The following TRPM3 variants were observed in gnomAD, a reference collection of about 807,000 sequenced individuals.
TRPM3 encodes the protein transient receptor potential cation channel subfamily M member 3, also known as long transient receptor potential channel 3.
In TRPM3, 77 loss-of-function variants were observed where a neutral mutation model predicts 181.2. The observed-to-expected ratio is 0.42, with a 90% CI of 0.35 to 0.51. The LOEUF (loss-of-function observed/expected upper bound fraction) is 0.51. Ranked by LOEUF, TRPM3 falls within the 20% of genes least tolerant of loss-of-function variation. The pLI is 0.01. For missense variants in TRPM3, 1,759 were observed against 2,196.7 expected (o/e 0.80, Z 3.98); for synonymous variants, 745 against 796.4 (o/e 0.94, Z 1.09).
chr9:70,923,629 A>G (rs1242913917), intron 1 of TRPM3, among the ~76,000 whole-genome samples: 1 of 152,052 alleles, frequency 6.6e-6, no homozygotes, highest in Non-Finnish European at 1.5e-5. Flanking sequence ...TGTATTTCCT[A>G]TGAATTTTTC....
At chr9:70,547,427 T>C (rs1327635629) in intron 25 of TRPM3, among the ~76,000 whole-genome samples, 1 of 151,998 alleles carries the variant, frequency 6.6e-6, no homozygotes, top group Non-Finnish European at 1.5e-5. Flanking sequence ...AATATGGATC[T>C]ACTCTTCCCT....
chr9:70,845,479 A>G (rs996146956), intron 4 of TRPM3, among the ~76,000 whole-genome samples: 1 of 152,116 alleles, frequency 6.6e-6, no homozygotes, highest in Admixed American at 6.5e-5. Flanking sequence ...ATCTCAGGTG[A>G]TCCCCCTGCC....
chr9:70,738,951 A>AC (rs919732302), intron 8 of TRPM3, among the ~76,000 whole-genome samples: 4 of 152,204 alleles, frequency 2.6e-5, no homozygotes, highest in Admixed American at 2.0e-4. Context: ...CTATGAACAG[A>AC]CCAATAACAA....
intron 1 of TRPM3, among the ~76,000 whole-genome samples, chr9:70,935,059 C>T (rs1054384111): frequency 6.6e-6 from 1 of 152,162 alleles, no homozygotes. Flanking sequence ...GCCTCATCTT[C>T]CATCACTTCC....
intron 1 of TRPM3, among the ~76,000 whole-genome samples, chr9:71,243,919 T>C (rs904863186): frequency 2.5e-5 from 3 of 121,900 alleles, no homozygotes; most frequent in African/African-American, 8.3e-5. Context: ...TATAAGATCA[T>C]GTTTGATTTT....
chr9:71,338,367 G>A (rs116215154), intron 1 of TRPM3, among the ~76,000 whole-genome samples: 1,875 of 152,264 alleles, frequency 0.012, 36 homozygotes, highest in African/African-American at 0.041. Context: ...GGGAAATGGC[G>A]GAAGGCAAAG....
chr9:71,355,899 A>G (rs1277476562), intron 1 of TRPM3, among the ~76,000 whole-genome samples: 1 of 152,222 alleles, frequency 6.6e-6, no homozygotes, highest in Non-Finnish European at 1.5e-5. Flanking sequence ...TTGAAAAAAA[A>G]ATAAGATTTT....
At chr9:71,015,131 C>T (rs1321227616) in intron 1 of TRPM3, among the ~76,000 whole-genome samples, 3 of 152,126 alleles carry the variant, frequency 2.0e-5, no homozygotes, top group Admixed American at 2.0e-4. Flanking sequence ...TCTCCTGTTG[C>T]ATTTGGTACC....
At chr9:71,298,830 C>G (rs966425750) in intron 1 of TRPM3, among the ~76,000 whole-genome samples, 1 of 151,922 alleles carries the variant, frequency 6.6e-6, no homozygotes, top group Non-Finnish European at 1.5e-5. Flanking sequence ...TTTATGAAAC[C>G]CTCTTTTATA....
In TRPM3 at chr9:71,209,519, T is replaced by G. The variant is rs557194469; in HGVS notation, c.183+237134A>C. Among the ~76,000 whole-genome samples the G allele has an allele frequency of 2.0e-5, 3 of 152,344 alleles. No homozygotes were observed. In the East Asian group the frequency reaches 5.8e-4, roughly 29 times the overall value. ...CAATACCAGGTATTGGAGCCCATCTTATTTTTTCTGTAACATCTGCCAAAT... is the reference window on the plus strand; with the variant it reads ...CAATACCAGGTATTGGAGCCCATCTGATTTTTTCTGTAACATCTGCCAAAT... On this transcript the variant is annotated intron_variant, in intron 1 of 24. Coordinates refer to the TRPM3 transcript ENST00000357533.
chr9:71,010,411 A>T (rs1037302404), intron 1 of TRPM3, among the ~76,000 whole-genome samples: 1 of 152,054 alleles, frequency 6.6e-6, no homozygotes, highest in African/African-American at 2.4e-5. Flanking sequence ...AAAACAAAAC[A>T]ACAACAACAA....
At position 70,536,863 on chromosome 9, in the gene TRPM3, G is replaced by C. The variant is rs1388157904; in HGVS notation, c.4250C>G (p.Ser1417Cys). 6.2e-7 allele frequency: 1 copy of C among 1,614,060 alleles called. No individual in the cohort carries two copies. The highest frequency in any genetic ancestry group is 8.5e-7 in the Non-Finnish European group (1 of 1,180,052). Reference protein sequence around the residue: ...RPSSCIDIYVSAMDELHCDID... With the variant: ...RPSSCIDIYVCAMDELHCDID... ...ATCACAGTGGAGCTCATCCATAGCA[G>C]AGACATAGATGTCTATACACGATGA... Residue 1417 changes from serine (S) to cysteine (C), a missense_variant, in exon 26 of 26, where the codon TCT becomes TGT. Ser to Cys is a moderately radical substitution (Grantham distance 112). Coordinates refer to ENST00000677713, the MANE Select transcript of TRPM3 (RefSeq NM_001366145.2).
intron 1 of TRPM3, among the ~76,000 whole-genome samples, chr9:71,182,601 T>C (rs1013855986): frequency 2.8e-4 from 42 of 152,272 alleles, no homozygotes; most frequent in African/African-American, 9.9e-4. Context: ...CCTGATCAAA[T>C]TCAACATAAT....
In TRPM3 at chr9:70,911,657, T is replaced by C. The variant is rs1165458937; in HGVS notation, c.178-47146A>G. Among the ~76,000 whole-genome samples, 12 of 152,174 alleles carry C rather than the reference T, an allele frequency of 7.9e-5. 1 individual carries two copies. The highest frequency in any genetic ancestry group is 5.2e-4 in the Admixed American group (8 of 15,270). ...TTAGTGATTAAAATGGAAATCTGTA[T>C]GTCAGTAGCCTCCCCTCTGATACTC... On this transcript the variant is annotated intron_variant, in intron 1 of 25. Coordinates refer to ENST00000677713, the MANE Select transcript of TRPM3 (RefSeq NM_001366145.2).
At chr9:71,426,738 C>A (rs1252519099) in intron 1 of TRPM3, among the ~76,000 whole-genome samples, 6 of 151,980 alleles carry the variant, frequency 3.9e-5, no homozygotes, top group Admixed American at 2.6e-4. Context: ...CCTATTAGCT[C>A]GGCATCTCAG....
intron 1 of TRPM3, among the ~76,000 whole-genome samples, chr9:70,878,566 A>G (rs1346229070): frequency 2.6e-5 from 4 of 152,130 alleles, no homozygotes; most frequent in Non-Finnish European, 5.9e-5. Flanking sequence ...ATCTTTTAAA[A>G]GAAAATTTCA....
chr9:70,562,431 GA>G (rs2049342076), intron 22 of TRPM3, among the ~76,000 whole-genome samples: 1 of 151,960 alleles, frequency 6.6e-6, no homozygotes, highest in Non-Finnish European at 1.5e-5. Context: ...CCTACCTGGG[GA>G]AAAAAAGGGA....
At chr9:71,108,835 T>G (rs2070363544) in intron 1 of TRPM3, among the ~76,000 whole-genome samples, 1 of 152,192 alleles carries the variant, frequency 6.6e-6, no homozygotes, top group African/African-American at 2.4e-5. Context: ...CAATTATCTA[T>G]GTGATAGTTA....
intron 25 of TRPM3, among the ~76,000 whole-genome samples, chr9:70,541,252 A>G (rs2043267059): frequency 6.6e-6 from 1 of 152,170 alleles, no homozygotes; most frequent in Non-Finnish European, 1.5e-5. Context: ...CCAAGCAACT[A>G]TTCTTGTCAA....
Sources: allele counts gnomAD v4.1 joint callset (sites outside exome capture counted in the v4.1 genomes callset), GRCh38; gene constraint gnomAD v4.1.1; transcripts MANE v1.5; gene names NCBI Gene and HGNC (gene_info 2026-07-23, HGNC 2026-07-21).